The following RBFOX1 variants were observed in gnomAD, a reference collection of about 807,000 sequenced individuals.
RBFOX1 encodes RNA binding protein fox-1 homolog 1.
RBFOX1 carries 8 observed loss-of-function variants against 57.7 expected under a neutral mutation model. The observed-to-expected ratio is 0.14, with a 90% CI of 0.08 to 0.25. The LOEUF (loss-of-function observed/expected upper bound fraction) is 0.25. Ranked by LOEUF, RBFOX1 falls within the 10% of genes least tolerant of loss-of-function variation. The probability of loss-of-function intolerance (pLI) is 1.00; values close to 1 mark genes in which losing one functional copy is unlikely to be tolerated. For synonymous variants in RBFOX1, 326 were observed against 222.4 expected (o/e 1.47, Z -4.15); for missense variants, 611 against 548.5 (o/e 1.11, Z -1.14).
chr16:5,658,715 A>G (rs2049537145), intron 3 of RBFOX1, among the ~76,000 whole-genome samples: 1 of 147,182 alleles, frequency 6.8e-6, no homozygotes, highest in Non-Finnish European at 1.5e-5. Flanking sequence ...GTAGTATTCC[A>G]TCATACATAC....
chr16:7,117,707 T>G (rs1006004230), intron 4 of RBFOX1, among the ~76,000 whole-genome samples: 2 of 152,192 alleles, frequency 1.3e-5, no homozygotes, highest in African/African-American at 4.8e-5. Flanking sequence ...ATCTAACAGT[T>G]TCTGTGTATC....
At chr16:6,980,976 G>C (rs2088626211) in intron 3 of RBFOX1, among the ~76,000 whole-genome samples, 1 of 142,838 alleles carries the variant, frequency 7.0e-6, no homozygotes, top group Non-Finnish European at 1.5e-5. Flanking sequence ...CTGGGAAGTG[G>C]AGGTTGCAGT....
intron 2 of RBFOX1, among the ~76,000 whole-genome samples, chr16:5,499,096 TG>T (rs1384381036): frequency 6.6e-6 from 1 of 152,234 alleles, no homozygotes; most frequent in Non-Finnish European, 1.5e-5. Context: ...AGGCCGGCTC[TG>T]GTTTTCCATT....
chr16:6,966,061 CT>C (rs1182396091), intron 3 of RBFOX1, among the ~76,000 whole-genome samples: 3 of 152,062 alleles, frequency 2.0e-5, no homozygotes, highest in Non-Finnish European at 4.4e-5. Context: ...AGAACCTGGA[CT>C]TTGAAGGTAG....
chr16:6,517,689 C>T (rs2096408233), intron 2 of RBFOX1, among the ~76,000 whole-genome samples: 1 of 152,168 alleles, frequency 6.6e-6, no homozygotes, highest in Non-Finnish European at 1.5e-5. Flanking sequence ...CCTATTGTCT[C>T]TTCTTGATTA....
chr16:7,412,279 G>A (rs1468599060), intron 4 of RBFOX1, among the ~76,000 whole-genome samples: 1 of 151,988 alleles, frequency 6.6e-6, no homozygotes, highest in African/African-American at 2.4e-5. Flanking sequence ...GCCAGGCGTG[G>A]TGGCGTGTGC....
intron 2 of RBFOX1, among the ~76,000 whole-genome samples, chr16:5,588,049 G>T (rs1053156933): frequency 2.6e-5 from 4 of 152,194 alleles, no homozygotes; most frequent in African/African-American, 9.7e-5. Context: ...CATCCCTGAT[G>T]CCTGCTGTAA....
At chr16:6,915,424 G>C (rs948028834) in intron 3 of RBFOX1, among the ~76,000 whole-genome samples, 1 of 152,080 alleles carries the variant, frequency 6.6e-6, no homozygotes, top group Admixed American at 6.6e-5. Flanking sequence ...AATCCACGTA[G>C]CCCGTTTTCT....
intron 3 of RBFOX1, among the ~76,000 whole-genome samples, chr16:6,838,926 C>G (rs2093298749): frequency 6.6e-6 from 1 of 151,746 alleles, no homozygotes; most frequent in African/African-American, 2.4e-5. Flanking sequence ...AGACTGTGCA[C>G]TGGTTTTTGA....
At chr16:6,650,673 A>G (rs1216766725) in intron 2 of RBFOX1, among the ~76,000 whole-genome samples, 8 of 152,176 alleles carry the variant, frequency 5.3e-5, no homozygotes. Context: ...ATAAAACAAG[A>G]TATTTGCTAT....
intron 3 of RBFOX1, among the ~76,000 whole-genome samples, chr16:6,818,815 C>G (rs1258205448): frequency 6.6e-6 from 1 of 152,196 alleles, no homozygotes; most frequent in East Asian, 1.9e-4. Context: ...GCCTCCCTGA[C>G]TGGTCCGTGC....
At chr16:7,261,109 A>G (rs1403892270) in intron 4 of RBFOX1, among the ~76,000 whole-genome samples, 1 of 152,060 alleles carries the variant, frequency 6.6e-6, no homozygotes, top group Non-Finnish European at 1.5e-5. Flanking sequence ...GCATCAAGTC[A>G]GGACTTCCTC....
intron 3 of RBFOX1, among the ~76,000 whole-genome samples, chr16:6,899,800 CT>C (rs2153406302): frequency 6.6e-6 from 1 of 152,250 alleles, no homozygotes; most frequent in East Asian, 1.9e-4. Context: ...GTATGGACAC[CT>C]TTTCATTGCA....
chr16:6,876,843 C>G (rs1023639731), intron 3 of RBFOX1, among the ~76,000 whole-genome samples: 1 of 152,036 alleles, frequency 6.6e-6, no homozygotes, highest in South Asian at 2.1e-4. Flanking sequence ...CAGATGTGAG[C>G]AATGGAAGTG....
rs190044164 is a variant in RBFOX1 at position 5,257,518 on chromosome 16, T to C, written c.219+17413T>C. Among the ~76,000 whole-genome samples, 748 of 152,304 alleles carry C rather than the reference T, an allele frequency of 4.9e-3. 4 individuals carry two copies. Among genetic ancestry groups the C allele is most frequent in the South Asian group, 0.021 (99 of 4,822 alleles). On this transcript the variant is annotated intron_variant, in intron 1 of 2. Transcript: ENST00000585867. ...TCTCTCCTCCTCTCCAAGAGATGAATACGTTTGGACCCAGTAGGGGCCTGC... is the reference window on the plus strand; with the variant it reads ...TCTCTCCTCCTCTCCAAGAGATGAACACGTTTGGACCCAGTAGGGGCCTGC...
chr16:5,774,635 G>A lies in RBFOX1; in HGVS notation c.319-92668G>A, dbSNP rs188616396. Among the ~76,000 whole-genome samples the A allele has an allele frequency of 6.7e-4, 102 of 152,202 alleles. 1 individual carries two copies. Among genetic ancestry groups the A allele is most frequent in the African/African-American group, 2.3e-3 (94 of 41,522 alleles). On this transcript the variant is annotated intron_variant, in intron 3 of 19. Coordinates refer to the RBFOX1 transcript ENST00000641259. The stretch of plus-strand genomic sequence containing the variant: ...TTACATGGTGTCTACTGTGTAACAG[G>A]GCTTTGGGATACCAGCAGCATTTCC...
At chr16:5,321,909 C>T (rs527750860) in intron 1 of RBFOX1, among the ~76,000 whole-genome samples, 4 of 152,108 alleles carry the variant, frequency 2.6e-5, no homozygotes, top group African/African-American at 9.7e-5. Context: ...CACGGCCTTA[C>T]GGGGCACTGA....
At chr16:6,799,551 GTGT>G (rs1398652888) in intron 3 of RBFOX1, among the ~76,000 whole-genome samples, 1 of 152,114 alleles carries the variant, frequency 6.6e-6, no homozygotes, top group East Asian at 1.9e-4. Context: ...GTGTGTGAAG[GTGT>G]TGTCAGAGGA....
chr16:7,010,882 C>G (rs1444899847), intron 3 of RBFOX1, among the ~76,000 whole-genome samples: 2 of 152,170 alleles, frequency 1.3e-5, no homozygotes, highest in Non-Finnish European at 2.9e-5. Context: ...CGGCCCACAT[C>G]TCTTTTCTTG....
Sources: gnomAD v4.1 joint callset for allele counts (sites outside exome capture counted in the v4.1 genomes callset) on GRCh38, gnomAD v4.1.1 for gene constraint, MANE v1.5 for transcripts, NCBI Gene and HGNC (gene_info 2026-07-23, HGNC 2026-07-21) for gene names.